The following CNTN6 variants were observed in gnomAD, a reference collection of about 807,000 sequenced individuals.
CNTN6 encodes contactin 6, also known as contactin-6.
A neutral mutation model predicts 122.8 loss-of-function variants in CNTN6; 137 were observed. That is an observed-to-expected ratio of 1.12 (90% confidence interval 0.97 to 1.29). The LOEUF (loss-of-function observed/expected upper bound fraction) is 1.29, where lower values mean the gene tolerates loss of function less well. Among genes scored for constraint, CNTN6 ranks in the 50% most tolerant of loss-of-function variants. CNTN6 has a pLI of 0.00. For missense variants in CNTN6, 1,634 were observed against 1,223.4 expected, an observed-to-expected ratio of 1.34 and a Z score of -5.01; for synonymous variants, 570 against 426.0, an observed-to-expected ratio of 1.34 and a Z score of -4.16.
intron 4 of CNTN6, among the ~76,000 whole-genome samples, chr3:1,241,866 A>G (rs1219303770): frequency 1.3e-5 from 2 of 152,232 alleles, no homozygotes; most frequent in Non-Finnish European, 2.9e-5. Flanking sequence ...AGGCCTCTAA[A>G]AGTATTAAAG....
intron 5 of CNTN6, among the ~76,000 whole-genome samples, chr3:1,285,336 G>C (rs1339240227): frequency 1.3e-5 from 2 of 152,140 alleles, no homozygotes; most frequent in Non-Finnish European, 2.9e-5. Flanking sequence ...GTTGATGAAG[G>C]GATAGCAGGT....
chr3:1,104,955 A>T (rs1464733030), intron 1 of CNTN6, among the ~76,000 whole-genome samples: 1 of 152,092 alleles, frequency 6.6e-6, no homozygotes, highest in Non-Finnish European at 1.5e-5. Flanking sequence ...TCTTTTACAC[A>T]ATTTATTGAA....
At position 1,191,681 on chromosome 3, in the gene CNTN6, AC is replaced by A. The variant is rs1361302542; in HGVS notation, c.56-29003del. On this transcript the variant is annotated intron_variant, in intron 2 of 22. Coordinates refer to ENST00000446702, the MANE Select transcript of CNTN6 (RefSeq NM_001289080.2). ...AGCCAAGTTGAGCAGAAGTGTGGAC[AC>A]CCTGGGTACCCAATACTTGCAACTG... Among the ~76,000 whole-genome samples, 3 of 152,268 alleles carry A rather than the reference AC, an allele frequency of 2.0e-5. No individual in the cohort carries two copies. In the South Asian group the frequency reaches 6.2e-4, roughly 32 times the overall value.
At chr3:1,198,876 C>T (rs1414147181) in intron 2 of CNTN6, among the ~76,000 whole-genome samples, 1 of 152,110 alleles carries the variant, frequency 6.6e-6, no homozygotes, top group Non-Finnish European at 1.5e-5. Flanking sequence ...TGTTAAAAAT[C>T]TTGTAATTTG....
intron 4 of CNTN6, among the ~76,000 whole-genome samples, chr3:1,250,143 G>A (rs911926846): frequency 6.6e-6 from 1 of 152,136 alleles, no homozygotes; most frequent in Non-Finnish European, 1.5e-5. Flanking sequence ...AAGCTTATAT[G>A]TGTCCAGTAA....
intron 2 of CNTN6, among the ~76,000 whole-genome samples, chr3:1,211,091 T>C (rs2094030697): frequency 6.6e-6 from 1 of 152,174 alleles, no homozygotes; most frequent in South Asian, 2.1e-4. Context: ...TGGAAAATCC[T>C]CAAAGGCTTT....
intron 9 of CNTN6, among the ~76,000 whole-genome samples, chr3:1,326,458 TG>T (rs920557068): frequency 2.0e-5 from 3 of 151,856 alleles, no homozygotes; most frequent in Non-Finnish European, 4.4e-5. Flanking sequence ...ACTTTTATTT[TG>T]GTCTGATATC....
intron 12 of CNTN6, among the ~76,000 whole-genome samples, chr3:1,367,359 C>G (rs1197657803): frequency 1.3e-5 from 2 of 151,866 alleles, no homozygotes; most frequent in Non-Finnish European, 2.9e-5. Context: ...TACTATGCTA[C>G]TCTCTACTAT....
chr3:1,399,786 GGTTA>G (rs1160749586), intron 20 of CNTN6, among the ~76,000 whole-genome samples: 1 of 152,024 alleles, frequency 6.6e-6, no homozygotes, highest in Non-Finnish European at 1.5e-5. Flanking sequence ...CTGTGCTAGG[GGTTA>G]GTAATACAGA....
At chr3:1,219,190 A>T (rs1227251702) in intron 2 of CNTN6, among the ~76,000 whole-genome samples, 1 of 152,230 alleles carries the variant, frequency 6.6e-6, no homozygotes, top group African/African-American at 2.4e-5. Flanking sequence ...TATAAAGAAA[A>T]AAAAGATACT....
chr3:1,206,471 C>A (rs1401802514), intron 2 of CNTN6, among the ~76,000 whole-genome samples: 2 of 152,114 alleles, frequency 1.3e-5, no homozygotes. Context: ...CAGGGTGTCA[C>A]TCAAGGTATT....
At chr3:1,270,598 G>A (rs986519171) in intron 4 of CNTN6, among the ~76,000 whole-genome samples, 3 of 152,170 alleles carry the variant, frequency 2.0e-5, no homozygotes, top group Non-Finnish European at 2.9e-5. Context: ...GTGAACAAGT[G>A]CTCCAACATC....
chr3:1,318,140 G>C (rs1575678941), intron 7 of CNTN6, among the ~76,000 whole-genome samples: 1 of 150,592 alleles, frequency 6.6e-6, no homozygotes, highest in East Asian at 1.9e-4. Flanking sequence ...GAAAGAAAAA[G>C]AAAGAAAATT....
At chr3:1,169,431 T>C (rs1206972513) in intron 2 of CNTN6, among the ~76,000 whole-genome samples, 3 of 152,180 alleles carry the variant, frequency 2.0e-5, no homozygotes, top group Non-Finnish European at 4.4e-5. Context: ...TCAATGCTTG[T>C]GAGATGATCC....
intron 2 of CNTN6, among the ~76,000 whole-genome samples, chr3:1,209,736 A>C (rs57889292): frequency 0.36 from 46,821 of 129,322 alleles, 7,558 homozygotes; most frequent in African/African-American, 0.49. Context: ...GACAGGTAAA[A>C]CTGTGAGCCC....
chr3:1,096,586 C>A (rs1477039229), intron 1 of CNTN6, among the ~76,000 whole-genome samples: 1 of 152,104 alleles, frequency 6.6e-6, no homozygotes, highest in African/African-American at 2.4e-5. Context: ...CTCTTGTTTG[C>A]CACTTGAATG....
intron 1 of CNTN6, among the ~76,000 whole-genome samples, chr3:1,145,382 A>C (rs186338773): frequency 1.1e-4 from 17 of 152,300 alleles, no homozygotes; most frequent in African/African-American, 4.1e-4. Flanking sequence ...CCCTGGAGCA[A>C]GAAGGTGGAG....
chr3:1,176,310 G>A (rs899478580), intron 2 of CNTN6, among the ~76,000 whole-genome samples: 4 of 152,110 alleles, frequency 2.6e-5, no homozygotes, highest in African/African-American at 4.8e-5. Context: ...CCAGCTACTC[G>A]GGAGGCTGAG....
At chr3:1,262,590 G>C (rs2094863894) in intron 4 of CNTN6, among the ~76,000 whole-genome samples, 1 of 152,000 alleles carries the variant, frequency 6.6e-6, no homozygotes, top group Non-Finnish European at 1.5e-5. Flanking sequence ...CGCAAACAAT[G>C]AACACACAAT....
Sources: gnomAD v4.1 joint callset for allele counts (sites outside exome capture counted in the v4.1 genomes callset) on GRCh38, gnomAD v4.1.1 for gene constraint, MANE v1.5 for transcripts, NCBI Gene and HGNC (gene_info 2026-07-23, HGNC 2026-07-21) for gene names.